Variants in NAV2 observed in about 807,000 individuals in gnomAD.
The protein encoded by NAV2 is neuron navigator 2, also known as helicase, APC down-regulated 1.
In NAV2, 54 loss-of-function variants were observed where a neutral mutation model predicts 223.2. That is an observed-to-expected ratio of 0.24 (90% CI 0.19 to 0.30). The LOEUF (loss-of-function observed/expected upper bound fraction) is 0.30. NAV2 is among the 10% of genes least tolerant of loss of function. The pLI, the probability that NAV2 is intolerant of heterozygous loss-of-function variation, is 1.00. For synonymous variants in NAV2, 1,279 were observed against 1,239.3 expected (o/e 1.03, Z -0.67); for missense variants, 2,806 against 3,147.5 (o/e 0.89, Z 2.60).
At chr11:19,365,723 A>T (rs935620550) in intron 1 of NAV2, among the ~76,000 whole-genome samples, 3 of 152,198 alleles carry the variant, frequency 2.0e-5, no homozygotes, top group Non-Finnish European at 4.4e-5. Context: ...GTATTTAAAG[A>T]GGCTTTATAT....
intron 2 of NAV2, among the ~76,000 whole-genome samples, chr11:19,832,971 C>CA (rs1049589155): frequency 6.0e-5 from 9 of 150,270 alleles, no homozygotes; most frequent in African/African-American, 1.7e-4. Context: ...GAAATATTTC[C>CA]AAAAAAAAAG....
At chr11:20,036,569 A>G (rs2056394892) in intron 12 of NAV2, among the ~76,000 whole-genome samples, 1 of 152,196 alleles carries the variant, frequency 6.6e-6, no homozygotes, top group South Asian at 2.1e-4. Flanking sequence ...CCTGTGGTTG[A>G]GAACTCTGTC....
chr11:19,930,858 C>T (rs1685239156), intron 6 of NAV2, among the ~76,000 whole-genome samples: 1 of 152,174 alleles, frequency 6.6e-6, no homozygotes, highest in Admixed American at 6.5e-5. Flanking sequence ...ATGTAGGCTG[C>T]TGTATTTCAA....
chr11:19,944,822 G>A (rs796577794), intron 8 of NAV2, among the ~76,000 whole-genome samples: 16 of 114,850 alleles, frequency 1.4e-4, no homozygotes, highest in African/African-American at 4.7e-4. Context: ...TTTCTTCCTT[G>A]CTTGCTTGCT....
intron 1 of NAV2, among the ~76,000 whole-genome samples, chr11:19,537,820 A>T (rs1224110483): frequency 1.3e-5 from 2 of 152,236 alleles, no homozygotes; most frequent in African/African-American, 4.8e-5. Context: ...AAGTTATTTA[A>T]TGTTTTTAAG....
At chr11:19,922,715 G>A (rs942848579) in intron 6 of NAV2, among the ~76,000 whole-genome samples, 3 of 152,078 alleles carry the variant, frequency 2.0e-5, no homozygotes, top group East Asian at 1.9e-4. Context: ...TCTGTTGCCC[G>A]CTTTGAGAAA....
At chr11:19,791,908 C>T (rs998435620) in intron 1 of NAV2, among the ~76,000 whole-genome samples, 1 of 152,138 alleles carries the variant, frequency 6.6e-6, no homozygotes, top group Non-Finnish European at 1.5e-5. Flanking sequence ...ATATGGTAGA[C>T]ATGTGTGAGC....
At chr11:19,710,180 A>C (rs2049822427), upstream of NAV2, among the ~76,000 whole-genome samples, 1 of 152,232 alleles carries the variant, frequency 6.6e-6, no homozygotes, top group South Asian at 2.1e-4. Flanking sequence ...AGACATTATC[A>C]AGTGATCAGG....
At position 20,118,771 on chromosome 11, in the gene NAV2, G is replaced by A; in HGVS notation, c.*513G>A. ...CCACCCTCCCACACAGCCGGCCACA[G>A]GGAGAACTGGTGCTAACCAGGGTGC... On this transcript the variant is annotated 3_prime_UTR_variant, in exon 38 of 38. Transcript: ENST00000349880. 5.8e-6 allele frequency: 1 copy of A among 172,510 alleles called. No individual in the cohort carries two copies. The allele number at this position is 172,510 out of a possible 1,614,324, so 10.7% of individuals were successfully genotyped here.
intron 12 of NAV2, among the ~76,000 whole-genome samples, chr11:20,042,453 G>T (rs561860808): frequency 3.9e-5 from 6 of 152,210 alleles, no homozygotes; most frequent in African/African-American, 1.4e-4. Context: ...CTCATAGCCA[G>T]GCAGTGTGTG....
intron 1 of NAV2, among the ~76,000 whole-genome samples, chr11:19,571,406 T>C (rs963630912): frequency 4.6e-5 from 7 of 152,178 alleles, no homozygotes; most frequent in Non-Finnish European, 1.0e-4. Context: ...TGTCACTGAA[T>C]TGTACACTTT....
At chr11:20,011,204 G>A (rs2053538316) in intron 11 of NAV2, among the ~76,000 whole-genome samples, 1 of 151,896 alleles carries the variant, frequency 6.6e-6, no homozygotes, top group Non-Finnish European at 1.5e-5. Flanking sequence ...GTTTTGGTGA[G>A]GTTTCTGTTT....
chr11:19,850,888 C>T (rs912573056), intron 3 of NAV2, among the ~76,000 whole-genome samples: 17 of 152,164 alleles, frequency 1.1e-4, no homozygotes, highest in Admixed American at 1.1e-3. Context: ...TTTATCCATT[C>T]CATTAAAAAG....
intron 13 of NAV2, 52 bp from the exon 14 acceptor site, chr11:20,044,916 T>C: frequency 6.8e-7 from 1 of 1,480,560 alleles, no homozygotes; most frequent in Non-Finnish European, 9.2e-7. Context: ...ACAGACGAGA[T>C]GGATGAGCTG....
chr11:19,627,630 T>G (rs1207693942), intron 1 of NAV2, among the ~76,000 whole-genome samples: 2 of 152,090 alleles, frequency 1.3e-5, no homozygotes, highest in African/African-American at 4.8e-5. Context: ...ACAATTGTCA[T>G]GTAGGTCCTT....
At chr11:19,807,816 A>G (rs75161447) in intron 1 of NAV2, among the ~76,000 whole-genome samples, 7,115 of 152,280 alleles carry the variant, frequency 0.047, 211 homozygotes, top group Middle Eastern at 0.071. Flanking sequence ...CTGTTTTTCT[A>G]TCCTCCGTCT....
At chr11:19,529,134 G>A (rs950920416) in intron 1 of NAV2, among the ~76,000 whole-genome samples, 2 of 152,110 alleles carry the variant, frequency 1.3e-5, no homozygotes, top group African/African-American at 2.4e-5. Flanking sequence ...TTAGATTTTT[G>A]TATAAAAACT....
intron 1 of NAV2, among the ~76,000 whole-genome samples, chr11:19,633,458 C>T (rs1213027256): frequency 6.6e-6 from 1 of 152,262 alleles, no homozygotes; most frequent in East Asian, 1.9e-4. Context: ...CCCAGGAGGC[C>T]TGGTCAGTGG....
At chr11:20,101,313 G>A in intron 32 of NAV2, 141 bp downstream of exon 32, 1 of 654,944 alleles carries the variant, frequency 1.5e-6, no homozygotes, top group Non-Finnish European at 2.6e-6. Context: ...AGGTCCAGAG[G>A]GGGCTAGCAG....
Sources: allele counts gnomAD v4.1 joint callset (sites outside exome capture counted in the v4.1 genomes callset), GRCh38; gene constraint gnomAD v4.1.1; transcripts MANE v1.5; gene names NCBI Gene and HGNC (gene_info 2026-07-23, HGNC 2026-07-21).